Variants in CMPK1 observed in about 807,000 individuals in gnomAD.
The protein encoded by CMPK1 is UMP-CMP kinase.
CMPK1 carries 10 observed loss-of-function variants against 25.7 expected under a neutral mutation model. The observed-to-expected ratio is 0.39, with a 90% confidence interval of 0.24 to 0.66. CMPK1 has a LOEUF of 0.66. CMPK1 is among the 30% of genes least tolerant of loss of function. CMPK1 has a pLI of 0.48. For synonymous variants in CMPK1, 106 were observed against 101.5 expected (o/e 1.04, Z -0.27); for missense variants, 199 against 280.5 (o/e 0.71, Z 2.08).
chr1:47,341,983 T>C (rs1306404439), intron 1 of CMPK1, among the ~76,000 whole-genome samples: 1 of 152,128 alleles, frequency 6.6e-6, no homozygotes. Context: ...AGTGGCTCTA[T>C]CACTGCTCAC....
chr1:47,356,567 C>G (rs996796881), intron 1 of CMPK1, among the ~76,000 whole-genome samples: 1 of 151,408 alleles, frequency 6.6e-6, no homozygotes. Context: ...AAATGCCAAT[C>G]AAAGTTTGCT....
At chr1:47,339,855 C>T (rs907224283) in intron 1 of CMPK1, among the ~76,000 whole-genome samples, 1 of 151,666 alleles carries the variant, frequency 6.6e-6, no homozygotes, top group Admixed American at 6.6e-5. Flanking sequence ...TTACAGGCAC[C>T]CACCACAACG....
At chr1:47,360,173 T>C (rs1342722267) in intron 1 of CMPK1, among the ~76,000 whole-genome samples, 1 of 152,222 alleles carries the variant, frequency 6.6e-6, no homozygotes, top group East Asian at 1.9e-4. Flanking sequence ...TTATTGCCTC[T>C]GAGCTCCTGG....
At chr1:47,374,880 A>AT in intron 3 of CMPK1, 29 bp from the exon 4 acceptor site, 2 of 1,544,270 alleles carry the variant, frequency 1.3e-6, no homozygotes, top group Non-Finnish European at 1.8e-6. Flanking sequence ...TCATATCTAT[A>AT]TTTTTAATAA....
chr1:47,372,724 T>TACCC (rs1333042435), intron 2 of CMPK1, among the ~76,000 whole-genome samples: 1 of 152,144 alleles, frequency 6.6e-6, no homozygotes, highest in African/African-American at 2.4e-5. Context: ...GAGGGGCATA[T>TACCC]ACCCATAACC....
At chr1:47,347,313 C>T (rs1277982152) in intron 1 of CMPK1, among the ~76,000 whole-genome samples, 4 of 151,352 alleles carry the variant, frequency 2.6e-5, no homozygotes, top group Non-Finnish European at 5.9e-5. Flanking sequence ...GGACTCAGGC[C>T]ATCCTCCCAC....
intron 2 of CMPK1, among the ~76,000 whole-genome samples, chr1:47,370,351 A>T (rs1205161200): frequency 6.6e-6 from 1 of 151,178 alleles, no homozygotes; most frequent in Non-Finnish European, 1.5e-5. Flanking sequence ...AATATGTCAC[A>T]TCTGAGGCTG....
In CMPK1 at chr1:47,337,939, G is replaced by T. The variant is rs529916369; in HGVS notation, c.171+3823G>T. ...AATATCTATTGTTAGTGAAGTCAGC[G>T]GTATGTTGTTTTTTTCCTTTGTGAA... On this transcript the variant is annotated intron_variant, in intron 1 of 5. Coordinates refer to ENST00000371873, the MANE Select transcript of CMPK1 (RefSeq NM_016308.3). 2.6e-5 allele frequency among the ~76,000 whole-genome samples: 4 copies of T among 151,872 alleles called. No homozygotes were observed. In the East Asian group the frequency reaches 7.7e-4, roughly 29 times the overall value.
chr1:47,372,838 C>T, intron 2 of CMPK1, 117 bp from the exon 3 acceptor site: 2 of 613,002 alleles, frequency 3.3e-6, no homozygotes, highest in Middle Eastern at 4.9e-4. Context: ...TATGTACCCT[C>T]CACCCTTTAC....
chr1:47,339,971 G>A (rs1646428070), intron 1 of CMPK1, among the ~76,000 whole-genome samples: 1 of 151,500 alleles, frequency 6.6e-6, no homozygotes, highest in Non-Finnish European at 1.5e-5. Context: ...GCCTCCCAAA[G>A]TGCTGGAATT....
intron 1 of CMPK1, among the ~76,000 whole-genome samples, chr1:47,367,836 C>T (rs554376720): frequency 4.6e-5 from 7 of 152,274 alleles, no homozygotes; most frequent in Non-Finnish European, 7.4e-5. Flanking sequence ...GGTGCAATCA[C>T]GGTTCACTGC....
intron 1 of CMPK1, among the ~76,000 whole-genome samples, chr1:47,367,894 A>G (rs905153466): frequency 1.3e-5 from 2 of 152,138 alleles, no homozygotes; most frequent in African/African-American, 4.8e-5. Context: ...CAGCCTTACA[A>G]GTAGCTAGGA....
intron 2 of CMPK1, 146 bp downstream of exon 2, chr1:47,368,761 A>C (rs988509778): frequency 1.4e-6 from 1 of 718,446 alleles, no homozygotes. Context: ...GGAATTCAAG[A>C]CCAGCCTGGA....
intron 1 of CMPK1, among the ~76,000 whole-genome samples, chr1:47,345,039 C>T (rs1411246724): frequency 2.0e-5 from 3 of 150,960 alleles, no homozygotes; most frequent in Non-Finnish European, 2.9e-5. Context: ...GCCTCAGCCT[C>T]CTGAGTAGCT....
rs1211098038 is a variant in CMPK1, at chr1:47,376,928, G to A, written c.*183G>A. On this transcript the variant is annotated 3_prime_UTR_variant, in exon 6 of 6. Transcript: ENST00000371873. ...TTTTTTGGTCACAGGAGTAGACAGT[G>A]AATTCAGGTTTAACTTCACCTTAGT... The A allele has an allele frequency of 2.5e-5, 11 of 435,576 alleles. No homozygotes were observed. In the East Asian group the frequency reaches 4.0e-4, roughly 16 times the overall value. 27.0% of individuals were successfully genotyped at this position (435,576 alleles called of 1,614,324 possible).
intron 1 of CMPK1, among the ~76,000 whole-genome samples, chr1:47,366,460 A>T (rs554517774): frequency 1.7e-4 from 26 of 151,804 alleles, no homozygotes; most frequent in Non-Finnish European, 2.9e-4. Context: ...AGCTGTTACT[A>T]AAATACCATA....
intron 1 of CMPK1, among the ~76,000 whole-genome samples, chr1:47,337,721 C>G (rs969009213): frequency 5.3e-5 from 8 of 151,338 alleles, no homozygotes; most frequent in African/African-American, 1.9e-4. Context: ...TCAAGCGATT[C>G]TCTGCCTCAG....
At chr1:47,370,956 C>CAAAA (rs1646674308) in intron 2 of CMPK1, among the ~76,000 whole-genome samples, 4 of 85,196 alleles carry the variant, frequency 4.7e-5, no homozygotes, top group South Asian at 6.1e-4. Context: ...GATTCCGCCT[C>CAAAA]AAAAAATAAA....
chr1:47,362,304 G>C (rs1217544623), intron 1 of CMPK1, among the ~76,000 whole-genome samples: 2 of 151,302 alleles, frequency 1.3e-5, no homozygotes, highest in East Asian at 3.9e-4. Flanking sequence ...CCAGTAGCTG[G>C]GATTACAGGC....
Sources: gnomAD v4.1 joint callset for allele counts (sites outside exome capture counted in the v4.1 genomes callset) on GRCh38, gnomAD v4.1.1 for gene constraint, MANE v1.5 for transcripts, NCBI Gene and HGNC (gene_info 2026-07-23, HGNC 2026-07-21) for gene names.